Variants in ADGRG3 observed in about 807,000 individuals in gnomAD.
ADGRG3 encodes adhesion G protein-coupled receptor G3.
Under a neutral mutation model 54.3 loss-of-function variants are expected in ADGRG3, and 39 were observed. That is an observed-to-expected ratio of 0.72 (90% confidence interval 0.56 to 0.94). The LOEUF is 0.94. Among genes scored for constraint, ADGRG3 ranks in the 40% least tolerant of loss-of-function variants. The probability of loss-of-function intolerance (pLI) is 0.00; values close to 1 mark genes in which losing one functional copy is unlikely to be tolerated. For missense variants in ADGRG3, 654 were observed against 694.6 expected (o/e 0.94, Z 0.66); for synonymous variants, 312 against 290.0 (o/e 1.08, Z -0.77).
Position 57,678,126 on chromosome 16 carries a change from TG to T in ADGRG3, c.346-38del, listed in dbSNP as rs769858489. ...GCTGGGGGAGTGGCAGGACTCGTGT[TG>T]GGGGGTGGGTACAGATGGGAGCTGC... On this transcript the variant is annotated intron_variant, in intron 3 of 11. Coordinates refer to ENST00000333493, the MANE Select transcript of ADGRG3 (RefSeq NM_170776.5). 8.1e-6 allele frequency: 13 copies of T among 1,601,534 alleles called. No homozygotes were observed. The East Asian group carries it at 2.2e-4, about 28-fold the overall frequency.
chr16:57,671,359 G>A (rs80186529), intron 1 of ADGRG3, among the ~76,000 whole-genome samples: 1,303 of 90,384 alleles, frequency 0.014, 28 homozygotes, highest in African/African-American at 0.055. Context: ...TTTTTTTTTC[G>A]AGACAGAGTC....
At chr16:57,671,310 TA>T (rs1382861931) in intron 1 of ADGRG3, among the ~76,000 whole-genome samples, 2 of 146,372 alleles carry the variant, frequency 1.4e-5, no homozygotes, top group South Asian at 4.4e-4. Context: ...TTAAAGCACA[TA>T]CAGAAAGTCC....
chr16:57,676,990 T>C (rs1477466710), intron 3 of ADGRG3, among the ~76,000 whole-genome samples: 3 of 152,064 alleles, frequency 2.0e-5, no homozygotes, highest in Admixed American at 2.0e-4. Flanking sequence ...GCAAGGTGAG[T>C]TGGTTAGCAC....
In ADGRG3 at chr16:57,676,623, A is replaced by C. The variant is rs796144278; in HGVS notation, c.345+285A>C. On this transcript the variant is annotated intron_variant, in intron 3 of 11. Transcript: ENST00000333493. Reference sequence around the variant, plus strand: ...GATTCAAATCCCAGCTCTGCCCTTCACCAGCCATTGTGATCATGGGCAAAT... The same window carrying C: ...GATTCAAATCCCAGCTCTGCCCTTCCCCAGCCATTGTGATCATGGGCAAAT... 8.9e-3 allele frequency among the ~76,000 whole-genome samples: 1,361 copies of C among 152,290 alleles called. 16 individuals carry two copies. Among genetic ancestry groups the C allele is most frequent in the African/African-American group, 0.031 (1,279 of 41,542 alleles).
In ADGRG3 at chr16:57,688,593, G is replaced by A. The variant is rs1312572851; in HGVS notation, c.*132G>A. The stretch of plus-strand genomic sequence containing the variant: ...GCTGGGGAGGGAGAGGATGGGACCA[G>A]GTTGGACCACGTGGCATCAGAGGTC... On this transcript the variant is annotated 3_prime_UTR_variant, in exon 12 of 12. Coordinates refer to ENST00000333493, the MANE Select transcript of ADGRG3 (RefSeq NM_170776.5). 1 of 682,592 alleles carries A rather than the reference G, an allele frequency of 1.5e-6. No homozygotes were observed. The highest frequency in any genetic ancestry group is 1.8e-5 in the African/African-American group (1 of 56,586). 42.3% of individuals were successfully genotyped at this position (682,592 alleles called of 1,614,324 possible).
chr16:57,671,290 C>T (rs1447070410), intron 1 of ADGRG3, among the ~76,000 whole-genome samples: 19 of 150,342 alleles, frequency 1.3e-4, no homozygotes, highest in Non-Finnish European at 1.2e-4. Context: ...CAATAATACC[C>T]GGCAGTTTTT....
chr16:57,688,522 C>G lies in ADGRG3; in HGVS notation c.*61C>G. 1 of 954,550 alleles carries G rather than the reference C, an allele frequency of 1.0e-6. No individual in the cohort carries two copies. Among genetic ancestry groups the G allele is most frequent in the Non-Finnish European group, 1.7e-6 (1 of 578,378 alleles). The allele number at this position is 954,550 out of a possible 1,614,324, so 59.1% of individuals were successfully genotyped here. On this transcript the variant is annotated 3_prime_UTR_variant, in exon 12 of 12. Coordinates refer to ENST00000333493, the MANE Select transcript of ADGRG3 (RefSeq NM_170776.5). ...CTCTCTGTGTGACCTTGGGCAGCTCCGTGCCTCTCTCTGTACTCCCTCAGT... is the reference window on the plus strand; with the variant it reads ...CTCTCTGTGTGACCTTGGGCAGCTCGGTGCCTCTCTCTGTACTCCCTCAGT...
chr16:57,673,494 G>A (rs1450704681), intron 2 of ADGRG3, 26 bp downstream of exon 2: 1 of 1,584,816 alleles, frequency 6.3e-7, no homozygotes, highest in Non-Finnish European at 8.6e-7. Flanking sequence ...GAGCTGGAGG[G>A]GGAATCTGAA....
At chr16:57,686,891 C>T (rs2048482980) in intron 11 of ADGRG3, 1 of 152,192 alleles carries the variant, frequency 6.6e-6, no homozygotes. Flanking sequence ...TCTGAGATCC[C>T]AGCAAAGGGG....
chr16:57,688,315 C>A, intron 11 of ADGRG3, 37 bp from the exon 12 acceptor site: 1 of 1,352,250 alleles, frequency 7.4e-7, no homozygotes, highest in Admixed American at 1.7e-5. Context: ...TCTGCCCACC[C>A]CTTTCCAGGC....
chr16:57,670,650 CAA>C (rs1247930610), intron 1 of ADGRG3, among the ~76,000 whole-genome samples: 5 of 152,132 alleles, frequency 3.3e-5, no homozygotes, highest in Admixed American at 3.3e-4. Context: ...TCCCATTAAA[CAA>C]TGCATCATAA....
upstream of ADGRG3, chr16:57,668,269 G>A: frequency 1.6e-6 from 2 of 1,220,686 alleles, no homozygotes; most frequent in South Asian, 1.3e-5. Flanking sequence ...GCAGGGTGGG[G>A]GCAGGCCAGC....
chr16:57,670,465 C>A (rs7190038), intron 1 of ADGRG3, among the ~76,000 whole-genome samples: 10,560 of 152,080 alleles, frequency 0.069, 553 homozygotes, highest in African/African-American at 0.14. Flanking sequence ...CGTCCTCAAG[C>A]TGACAATGTT....
At chr16:57,686,531 G>A (rs754134093) in intron 11 of ADGRG3, among the ~76,000 whole-genome samples, 1 of 152,174 alleles carries the variant, frequency 6.6e-6, no homozygotes, top group Non-Finnish European at 1.5e-5. Context: ...CTTCATGGGA[G>A]CTGCTACCAG....
chr16:57,667,327 C>T (rs2048077584), upstream of ADGRG3, among the ~76,000 whole-genome samples: 1 of 152,242 alleles, frequency 6.6e-6, no homozygotes, highest in Non-Finnish European at 1.5e-5. Flanking sequence ...GGATGCCCTT[C>T]ACCTTCCAAT....
At chr16:57,672,305 C>T (rs999584394) in intron 1 of ADGRG3, among the ~76,000 whole-genome samples, 4 of 152,202 alleles carry the variant, frequency 2.6e-5, no homozygotes, top group South Asian at 4.2e-4. Flanking sequence ...GCAGGAGGAT[C>T]GCTTGAGGAC....
chr16:57,684,014 G>A lies in ADGRG3; in HGVS notation c.964G>A (p.Ala322Thr). The A allele has an allele frequency of 1.2e-6, 2 of 1,611,684 alleles. No homozygotes were observed. Among genetic ancestry groups the A allele is most frequent in the Non-Finnish European group, 1.7e-6 (2 of 1,178,282 alleles). Residue 322 changes from alanine to threonine, a missense_variant, in exon 9 of 12, where the codon GCC (alanine) becomes ACC (threonine). Ala to Thr is a moderately conservative substitution (Grantham distance 58). Transcript: ENST00000333493. ...LGGSLFLLNL[A>T]FLVNVGSGSK... is the part of the protein sequence containing the mutation. ...TGGCAGCCTGTTCCTCCTGAATCTG[G>A]CCTTCTTGGTCAATGTGGGGAGTGG... is the stretch of plus-strand genomic sequence containing the variant.
rs1394997838 is a variant in ADGRG3, at chr16:57,680,582, C to T, written c.846C>T (p.Phe282=). The change falls in exon 8 of 12, where the codon TTC becomes TTT. Residue 282 remains phenylalanine (F), a synonymous_variant. Transcript: ENST00000333493. ...SQAGCGVSMI[F]LAFTIILYAF... is the part of the protein sequence containing the mutation. ...CGGGCTGTGGGGTCTCCATGATCTT[C>T]CTGGCCTTCACCATTATTCTTTATG... 4 of 1,613,830 alleles carry T rather than the reference C, an allele frequency of 2.5e-6. No homozygotes were observed. Among genetic ancestry groups the T allele is most frequent in the Non-Finnish European group, 3.4e-6 (4 of 1,179,790 alleles).
chr16:57,668,378 C>T lies in ADGRG3; in HGVS notation c.31C>T (p.Leu11Phe), dbSNP rs767693793. The change falls in exon 1 of 12, where the codon CTC (leucine) becomes TTC (phenylalanine). Residue 11 changes from leucine (L) to phenylalanine (F), a missense_variant. Coordinates refer to ENST00000333493, the MANE Select transcript of ADGRG3 (RefSeq NM_170776.5). ...GACGCCCAGGGGCCTGGGGGCCCTG[C>T]TCCTGCTCCTCCTGCTCCCGACCTC... The part of the protein sequence containing the change: MATPRGLGAL[L>F]LLLLLPTSGQ... 6.4e-7 allele frequency: 1 copy of T among 1,573,830 alleles called. No homozygotes were observed. The highest frequency in any genetic ancestry group is 8.6e-7 in the Non-Finnish European group (1 of 1,167,332).
Sources: gnomAD v4.1 joint callset for allele counts (sites outside exome capture counted in the v4.1 genomes callset) on GRCh38, gnomAD v4.1.1 for gene constraint, MANE v1.5 for transcripts, NCBI Gene and HGNC (gene_info 2026-07-23, HGNC 2026-07-21) for gene names.